Variants in ZNF747 observed in about 807,000 individuals in gnomAD.
ZNF747 encodes the protein zinc finger protein 747.
ZNF747 carries 14 observed loss-of-function variants against 13.4 expected under a neutral mutation model. The ratio of observed to expected loss-of-function variants is 1.04; its 90% CI spans 0.69 to 1.63. The LOEUF (loss-of-function observed/expected upper bound fraction) is 1.63, where lower values mean the gene tolerates loss of function less well. Among genes scored for constraint, ZNF747 ranks in the 40% most tolerant of loss-of-function variants. The pLI, the probability that ZNF747 is intolerant of heterozygous loss-of-function variation, is 0.00. For synonymous variants in ZNF747, 212 were observed against 206.5 expected (o/e 1.03, Z -0.23); for missense variants, 532 against 477.9 (o/e 1.11, Z -1.05).
chr16:30,534,314 G>C lies in ZNF747; in HGVS notation c.230-4C>G, dbSNP rs528430796. 10 of 1,568,874 alleles carry C rather than the reference G, an allele frequency of 6.4e-6. No individual in the cohort carries two copies. The East Asian group carries it at 2.4e-4, about 38-fold the overall frequency. The stretch of plus-strand genomic sequence containing the variant: ...GCCGGCTTGCTGCCTCCGACTCCTG[G>C]GGGAGAAGAACGCAAACCCCACGCT... On this transcript the variant is annotated splice_polypyrimidine_tract_variant and splice_region_variant and intron_variant, in intron 1 of 2. Transcript: ENST00000693075.
In ZNF747 at chr16:30,532,646, C is replaced by T. The variant is rs1346589177; in HGVS notation, c.849G>A (p.Lys283=). Residue 283 remains lysine, a synonymous_variant, in exon 3 of 3, where the codon AAG becomes AAA. Transcript: ENST00000693075. ...RCFGLKTGMA[K]HQWVHRPGGE... ...CCCCGGGCCGATGGACCCATTGGTG[C>T]TTGGCCATGCCGGTCTTCAGGCCGA... is the stretch of plus-strand genomic sequence containing the variant. The T allele has an allele frequency of 1.9e-6, 3 of 1,540,442 alleles. No individual in the cohort carries two copies. The highest frequency in any genetic ancestry group is 2.0e-5 in the Admixed American group (1 of 51,064).
intron 1 of ZNF747, 28 bp downstream of exon 1, chr16:30,534,423 G>A (rs754701160): frequency 6.4e-7 from 1 of 1,566,236 alleles, no homozygotes; most frequent in African/African-American, 1.4e-5. Flanking sequence ...GGAGGCGCAG[G>A]GCCCAGGCAA....
At position 30,534,492 on chromosome 16, in the gene ZNF747, C is replaced by A. The variant is rs780713521; in HGVS notation, c.188G>T (p.Arg63Leu). The change falls in exon 1 of 3, where the codon CGG becomes CTG. Residue 63 changes from arginine to leucine, a missense_variant. Coordinates refer to ENST00000693075, the MANE Select transcript of ZNF747 (RefSeq NM_001305018.2). ...GCCGTAGGTCTCCCGCATCACGTCC[C>A]GGTACAGGGCCCTCTGCGCGGGCCG... is the stretch of plus-strand genomic sequence containing the variant. ...CLRPAQRALY[R>L]DVMRETYGHL... is the part of the protein sequence containing the mutation. 1 of 1,608,280 alleles carries A rather than the reference C, an allele frequency of 6.2e-7. No homozygotes were observed. The highest frequency in any genetic ancestry group is 2.2e-5 in the East Asian group (1 of 44,578).
chr16:30,533,101 G>C lies in ZNF747; in HGVS notation c.394C>G (p.Leu132Val). 6.2e-7 allele frequency: 1 copy of C among 1,612,598 alleles called. No individual in the cohort carries two copies. Among genetic ancestry groups the C allele is most frequent in the Non-Finnish European group, 8.5e-7 (1 of 1,180,028 alleles). ...GCGGCCACAGGGTCGGGCTTCTCCA[G>C]GGCTCCCGTCCCTTCCCTTTGTCTT... ...EERQREGTGA[L>V]EKPDPVAAGS... The change falls in exon 3 of 3, where the codon CTG becomes GTG. Residue 132 changes from leucine to valine, a missense_variant. Transcript: ENST00000693075.
chr16:30,534,132 C>T (rs2051418700), intron 2 of ZNF747, 65 bp downstream of exon 2: 10 of 1,516,884 alleles, frequency 6.6e-6, no homozygotes, highest in South Asian at 3.8e-5. Context: ...CTGGAGGTGG[C>T]AGAGGGTACC....
Position 30,532,658 on chromosome 16 carries a change from G to A in ZNF747, c.837C>T (p.Thr279=), listed in dbSNP as rs2051393224. ...PQCGRCFGLK[T]GMAKHQWVHR... ...GGACCCATTGGTGCTTGGCCATGCCGGTCTTCAGGCCGAAGCAGCGGCCAC... is the reference window on the plus strand; with the variant it reads ...GGACCCATTGGTGCTTGGCCATGCCAGTCTTCAGGCCGAAGCAGCGGCCAC... The change falls in exon 3 of 3, where the codon ACC becomes ACT. Residue 279 remains threonine, a synonymous_variant. Coordinates refer to ENST00000693075, the MANE Select transcript of ZNF747 (RefSeq NM_001305018.2). The A allele has an allele frequency of 1.3e-6, 2 of 1,539,638 alleles. No homozygotes were observed.
Position 30,532,749 on chromosome 16 carries a change from C to A in ZNF747, c.746G>T (p.Arg249Leu). 1 of 1,543,636 alleles carries A rather than the reference C, an allele frequency of 6.5e-7. No individual in the cohort carries two copies. The highest frequency in any genetic ancestry group is 8.7e-7 in the Non-Finnish European group (1 of 1,147,628). The change falls in exon 3 of 3, where the codon CGC becomes CTC. Residue 249 changes from arginine (R) to leucine (L), a missense_variant. By Grantham distance (102) the Arg-to-Leu change is moderately radical. Coordinates refer to ENST00000693075, the MANE Select transcript of ZNF747 (RefSeq NM_001305018.2). ...CAGGTGAGAAGTCAGCGCCGTGCGG[C>A]GCATGAAGGCCCGACCACACTCGGG... ...RCPECGRAFMRRTALTSHLRV... is the reference protein window; with the variant it reads ...RCPECGRAFMLRTALTSHLRV...
At position 30,532,610 on chromosome 16, in the gene ZNF747, A is replaced by ACGCCCCT; in HGVS notation, c.878_884dup (p.Arg296GlyfsTer3). The stretch of plus-strand genomic sequence containing the variant: ...ACAGCCCCCCAGGGCGCCGGCCCCT[A>ACGCCCCT]CGCCCCTCGCCCCCGGGCCGATGGA... On this transcript the variant is annotated frameshift_variant, in exon 3 of 3. Transcript: ENST00000693075. LOFTEE classifies it low-confidence loss of function (END_TRUNC). 1 of 1,553,388 alleles carries ACGCCCCT rather than the reference A, an allele frequency of 6.4e-7. No individual in the cohort carries two copies. Among genetic ancestry groups the ACGCCCCT allele is most frequent in the Non-Finnish European group, 8.7e-7 (1 of 1,152,956 alleles).
In ZNF747 at chr16:30,534,144, G is replaced by A. The variant is rs1293268532; in HGVS notation, c.343+53C>T. 3 of 1,555,612 alleles carry A rather than the reference G, an allele frequency of 1.9e-6. No individual in the cohort carries two copies. The African/African-American group carries it at 4.1e-5, about 21-fold the overall frequency. Reference sequence around the variant, plus strand: ...TAGCTGGAGGTGGCAGAGGGTACCGGGATGGGACAGGAACAGAGAAGTCCC... The same window carrying A: ...TAGCTGGAGGTGGCAGAGGGTACCGAGATGGGACAGGAACAGAGAAGTCCC... On this transcript the variant is annotated intron_variant, in intron 2 of 2. Coordinates refer to ENST00000693075, the MANE Select transcript of ZNF747 (RefSeq NM_001305018.2).
chr16:30,533,633 T>C lies in ZNF747; in HGVS notation c.344-482A>G, dbSNP rs192427166. Among the ~76,000 whole-genome samples, 230 of 151,392 alleles carry C rather than the reference T, an allele frequency of 1.5e-3. 2 individuals are homozygous for C. The highest frequency in any genetic ancestry group is 5.3e-3 in the African/African-American group (218 of 41,182). ...GAGTCAACAGAACCTAGAGGCCGGGTGCAGTGGCTCATGCCTGTAATCCCA... is the reference window on the plus strand; with the variant it reads ...GAGTCAACAGAACCTAGAGGCCGGGCGCAGTGGCTCATGCCTGTAATCCCA... On this transcript the variant is annotated intron_variant, in intron 2 of 2. Coordinates refer to ENST00000693075, the MANE Select transcript of ZNF747 (RefSeq NM_001305018.2).
chr16:30,534,404 A>T, intron 1 of ZNF747, 47 bp downstream of exon 1: 1 of 1,559,020 alleles, frequency 6.4e-7, no homozygotes, highest in Non-Finnish European at 8.7e-7. Context: ...GAGGCGCGGC[A>T]GGGCCTGTGG....
intron 1 of ZNF747, 68 bp downstream of exon 1, chr16:30,534,383 C>CG: frequency 6.4e-7 from 1 of 1,555,594 alleles, no homozygotes; most frequent in Non-Finnish European, 8.7e-7. Context: ...CAACTCCACA[C>CG]GCAGCTCCCA....
At position 30,532,837 on chromosome 16, in the gene ZNF747, C is replaced by A; in HGVS notation, c.658G>T (p.Gly220Cys). 1 of 1,581,250 alleles carries A rather than the reference C, an allele frequency of 6.3e-7. No homozygotes were observed. The highest frequency in any genetic ancestry group is 8.6e-7 in the Non-Finnish European group (1 of 1,166,574). Residue 220 changes from glycine (G) to cysteine (C), a missense_variant, in exon 3 of 3, where the codon GGC becomes TGC. By Grantham distance (159) the Gly-to-Cys change is radical. Transcript: ENST00000693075. ...FHCADCGKGF[G>C]HASSLSKHRA... ...TGTTTGCTCAGGGAGGAAGCGTGGC[C>A]GAAGCCCTTGCCGCAGTCTGCGCAG...
At chr16:30,533,679 A>C (rs1567503151) in intron 2 of ZNF747, among the ~76,000 whole-genome samples, 1 of 151,348 alleles carries the variant, frequency 6.6e-6, no homozygotes, top group Non-Finnish European at 1.5e-5. Context: ...AGGCCGAGAT[A>C]GAGGATCGCT....
chr16:30,531,136 C>T lies in ZNF747; in HGVS notation c.*1363G>A, dbSNP rs1160778551. 6.6e-6 allele frequency: 1 copy of T among 152,212 alleles called. No individual in the cohort carries two copies. Among genetic ancestry groups the T allele is most frequent in the East Asian group, 1.9e-4 (1 of 5,200 alleles). The allele number at this position is 152,212 out of a possible 1,614,324, so 9.4% of individuals were successfully genotyped here. On this transcript the variant is annotated 3_prime_UTR_variant, in exon 3 of 3. Transcript: ENST00000693075. Reference sequence around the variant, plus strand: ...GACACAGACATGGGTTCAAGAAATACTTCCCTTTCTTCTTTGCTGTACTTT... The same window carrying T: ...GACACAGACATGGGTTCAAGAAATATTTCCCTTTCTTCTTTGCTGTACTTT...
chr16:30,534,384 G>T, intron 1 of ZNF747, 67 bp downstream of exon 1: 1 of 1,555,462 alleles, frequency 6.4e-7, no homozygotes, highest in South Asian at 1.2e-5. Context: ...AACTCCACAC[G>T]CAGCTCCCAG....
At chr16:30,533,859 G>A (rs932199708) in intron 2 of ZNF747, among the ~76,000 whole-genome samples, 1 of 151,974 alleles carries the variant, frequency 6.6e-6, no homozygotes, top group East Asian at 1.9e-4. Flanking sequence ...GCTTGAGCCC[G>A]GGAGTTCAAG....
At position 30,532,330 on chromosome 16, in the gene ZNF747, G is replaced by A. The variant is rs2051386459; in HGVS notation, c.*169C>T. The A allele has an allele frequency of 1.3e-6, 1 of 761,888 alleles. No individual in the cohort carries two copies. The highest frequency in any genetic ancestry group is 2.1e-6 in the Non-Finnish European group (1 of 475,242). The allele number at this position is 761,888 out of a possible 1,614,324, so 47.2% of individuals were successfully genotyped here. On this transcript the variant is annotated 3_prime_UTR_variant, in exon 3 of 3. Transcript: ENST00000693075. ...CTTGGAGAGCCCAGGGCAGCGGGGA[G>A]CAAGGTGCTGGCAGAAGAGGCTGCT...
rs764445719 is a variant in ZNF747, at chr16:30,533,124, C to T, written c.371G>A (p.Arg124Lys). 6.2e-7 allele frequency: 1 copy of T among 1,612,374 alleles called. No homozygotes were observed. Among genetic ancestry groups the T allele is most frequent in the East Asian group, 2.2e-5 (1 of 44,880 alleles). The change falls in exon 3 of 3, where the codon AGA (arginine) becomes AAA (lysine). Residue 124 changes from arginine to lysine, a missense_variant. Coordinates refer to ENST00000693075, the MANE Select transcript of ZNF747 (RefSeq NM_001305018.2). ...PADSRNKEEE[R>K]QREGTGALEK... ...CAGGGCTCCCGTCCCTTCCCTTTGT[C>T]TTTCCTCTTCCTTGTTTCTGGAATC...
Sources: gnomAD v4.1 joint callset for allele counts (sites outside exome capture counted in the v4.1 genomes callset) on GRCh38, gnomAD v4.1.1 for gene constraint, MANE v1.5 for transcripts, NCBI Gene and HGNC (gene_info 2026-07-23, HGNC 2026-07-21) for gene names.